Variants in PIK3AP1 observed in about 807,000 individuals in gnomAD.
PIK3AP1 encodes phosphoinositide 3-kinase adapter protein 1.
In PIK3AP1, 21 loss-of-function variants were observed where a neutral mutation model predicts 88.1. The observed-to-expected ratio is 0.24, with a 90% confidence interval of 0.17 to 0.34. The LOEUF is 0.34. Ranked by LOEUF, PIK3AP1 falls within the 10% of genes least tolerant of loss-of-function variation. PIK3AP1 has a pLI of 1.00. For synonymous variants in PIK3AP1, 398 were observed against 400.0 expected (o/e 1.00, Z 0.06); for missense variants, 828 against 1,035.7 (o/e 0.80, Z 2.75).
Position 96,648,774 on chromosome 10 carries a change from G to A in PIK3AP1, c.1070C>T (p.Thr357Ile), listed in dbSNP as rs754924629. 4 of 1,610,066 alleles carry A rather than the reference G, an allele frequency of 2.5e-6. No homozygotes were observed. Among genetic ancestry groups the A allele is most frequent in the Non-Finnish European group, 3.4e-6 (4 of 1,178,504 alleles). ...GTACGCCTGCAGGGCTCCTGGGCAG[G>A]TGAGCAACAAGGCAGTGAGGTTCTT... ...GLKNLTALLL[T>I]CPGALQAYSV... The change falls in exon 7 of 17, where the codon ACC becomes ATC. Residue 357 changes from threonine to isoleucine, a missense_variant. By Grantham distance (89) the Thr-to-Ile change is moderately conservative. This residue lies in a region of PIK3AP1 where 610 missense variants were observed against 760.1 expected (regional missense o/e 0.80). Coordinates refer to ENST00000339364, the MANE Select transcript of PIK3AP1 (RefSeq NM_152309.3).
chr10:96,620,726 C>T (rs558263609), intron 11 of PIK3AP1, among the ~76,000 whole-genome samples, 169 bp from the exon 12 acceptor site: 42 of 152,280 alleles, frequency 2.8e-4, no homozygotes, highest in Non-Finnish European at 5.1e-4. Flanking sequence ...GAGAAGAATG[C>T]AGCTAATAAT....
At chr10:96,709,432 C>G (rs975694050) in intron 2 of PIK3AP1, 135 bp downstream of exon 2, 1 of 1,085,678 alleles carries the variant, frequency 9.2e-7, no homozygotes, top group African/African-American at 1.6e-5. Context: ...CAGAAATAGG[C>G]TGCTCTAAAC....
At chr10:96,620,636 G>A in intron 11 of PIK3AP1, 79 bp from the exon 12 acceptor site, 1 of 1,265,520 alleles carries the variant, frequency 7.9e-7, no homozygotes, top group Non-Finnish European at 1.1e-6. Flanking sequence ...TAATGAGGCT[G>A]GTCACAGGCT....
chr10:96,602,769 G>A (rs1317127843), intron 15 of PIK3AP1, among the ~76,000 whole-genome samples: 1 of 152,178 alleles, frequency 6.6e-6, no homozygotes, highest in African/African-American at 2.4e-5. Context: ...GCTTGTCCCA[G>A]CCACTGGTCC....
chr10:96,595,522 G>A lies in PIK3AP1; in HGVS notation c.*55C>T, dbSNP rs940334166. On this transcript the variant is annotated 3_prime_UTR_variant, in exon 17 of 17. Coordinates refer to ENST00000339364, the MANE Select transcript of PIK3AP1 (RefSeq NM_152309.3). ...ACTCAACATGAAGACATCATTAACA[G>A]GCTGAAGACTGTGAGTCTTAAAGTC... 7 of 1,526,394 alleles carry A rather than the reference G, an allele frequency of 4.6e-6. No homozygotes were observed. In the African/African-American group the frequency reaches 8.2e-5, roughly 18 times the overall value. 94.6% of individuals were successfully genotyped at this position (1,526,394 alleles called of 1,614,324 possible). A position where few individuals can be genotyped will look rare whatever the true frequency, so the allele number is the denominator to read the frequency against.
chr10:96,640,004 G>T (rs1195853600), intron 8 of PIK3AP1, among the ~76,000 whole-genome samples: 1 of 152,198 alleles, frequency 6.6e-6, no homozygotes, highest in Non-Finnish European at 1.5e-5. Flanking sequence ...CTCAGGTAAA[G>T]AAAACACTGC....
chr10:96,629,905 C>A (rs1589500043), intron 8 of PIK3AP1, among the ~76,000 whole-genome samples: 1 of 576 alleles, frequency 1.7e-3, no homozygotes. Flanking sequence ...ATAACAACAA[C>A]AACCAAAAAA....
In PIK3AP1 at chr10:96,674,889, G is replaced by A. The variant is rs150432093; in HGVS notation, c.431-17955C>T. On this transcript the variant is annotated intron_variant, in intron 2 of 16. Transcript: ENST00000339364. ...TAAAATGAGATTAAACATACAAGGT[G>A]TTTTGTTTTGTTTTGTTTTTTGAGA... Among the ~76,000 whole-genome samples the A allele has an allele frequency of 7.5e-3, 1,135 of 152,278 alleles. 7 individuals are homozygous for A. The highest frequency in any genetic ancestry group is 0.02 in the African/African-American group (812 of 41,568).
intron 8 of PIK3AP1, among the ~76,000 whole-genome samples, chr10:96,628,881 T>TATACACACACAC (rs1554955361): frequency 2.3e-5 from 2 of 88,750 alleles, no homozygotes; most frequent in African/African-American, 4.5e-5. Context: ...TACACATATA[T>TATACACACACAC]ATATATACAT....
intron 1 of PIK3AP1, among the ~76,000 whole-genome samples, chr10:96,715,268 T>A (rs1844487345): frequency 6.6e-6 from 1 of 152,064 alleles, no homozygotes; most frequent in Admixed American, 6.5e-5. Context: ...CTCAAGACTG[T>A]CAAAGCCATC....
chr10:96,637,313 A>AACACACACAC (rs1564964526), intron 8 of PIK3AP1, among the ~76,000 whole-genome samples: 2 of 69,898 alleles, frequency 2.9e-5, no homozygotes, highest in African/African-American at 1.2e-4. Flanking sequence ...GAGATATACA[A>AACACACACAC]TCACACACAC....
rs1478402428 is a variant in PIK3AP1 at position 96,595,530 on chromosome 10, A to T, written c.*47T>A. 6.4e-7 allele frequency: 1 copy of T among 1,553,176 alleles called. No homozygotes were observed. The highest frequency in any genetic ancestry group is 8.9e-7 in the Non-Finnish European group (1 of 1,125,532). ...TGAAGACATCATTAACAGGCTGAAG[A>T]CTGTGAGTCTTAAAGTCCTGAAGTA... On this transcript the variant is annotated 3_prime_UTR_variant, in exon 17 of 17. Transcript: ENST00000339364.
intron 8 of PIK3AP1, among the ~76,000 whole-genome samples, chr10:96,636,348 A>AAGTCC (rs1300893031): frequency 2.6e-5 from 4 of 152,372 alleles, no homozygotes; most frequent in African/African-American, 9.6e-5. Flanking sequence ...ATTAGGCACT[A>AAGTCC]AGTCCTGGTA....
chr10:96,602,320 C>G lies in PIK3AP1; in HGVS notation c.2320G>C (p.Glu774Gln). 1 of 1,609,602 alleles carries G rather than the reference C, an allele frequency of 6.2e-7. No homozygotes were observed. Among genetic ancestry groups the G allele is most frequent in the Non-Finnish European group, 8.5e-7 (1 of 1,178,310 alleles). Residue 774 changes from glutamate to glutamine, a missense_variant, in exon 16 of 17, where the codon GAG (glutamate) becomes CAG (glutamine). Around this residue, in one of 3 missense-constraint regions of PIK3AP1, gnomAD observed 191 missense variants for 208.6 expected, o/e 0.92. Transcript: ENST00000339364. ...CTCGGAGGCACCCTGGGGGGTCTCT[C>G]GAGGGACATGGTGGGTGTCCCATCC... Reference protein sequence around the residue: ...QVDGTPTMSLERPPRVPPRAA... With the variant: ...QVDGTPTMSLQRPPRVPPRAA...
intron 8 of PIK3AP1, among the ~76,000 whole-genome samples, chr10:96,641,506 G>A (rs201135537): frequency 3.9e-5 from 6 of 152,096 alleles, no homozygotes; most frequent in Non-Finnish European, 8.8e-5. Flanking sequence ...CAGCCTCCAG[G>A]GTTACCACAG....
chr10:96,643,281 T>C (rs966618286), intron 8 of PIK3AP1, among the ~76,000 whole-genome samples: 3 of 152,194 alleles, frequency 2.0e-5, no homozygotes, highest in Admixed American at 1.3e-4. Context: ...TGGATAACAA[T>C]TTCTGCAGAA....
chr10:96,718,224 G>A (rs1479147366), intron 1 of PIK3AP1, among the ~76,000 whole-genome samples: 3 of 152,214 alleles, frequency 2.0e-5, no homozygotes, highest in African/African-American at 7.2e-5. Flanking sequence ...ATTGACTGTG[G>A]TGATGGCTAC....
intron 2 of PIK3AP1, among the ~76,000 whole-genome samples, chr10:96,670,116 G>A (rs1031037116): frequency 3.9e-4 from 54 of 139,414 alleles, no homozygotes; most frequent in African/African-American, 1.5e-3. Flanking sequence ...TGGAGGTTGC[G>A]CCACTGACTC....
chr10:96,620,787 C>T (rs7914154), intron 11 of PIK3AP1: 324,600 of 485,660 alleles, frequency 0.67, 109,690 homozygotes, highest in East Asian at 0.83. Context: ...TTAAGGGAGG[C>T]GTGAAATCTG....
Sources: gnomAD v4.1 joint callset for allele counts (sites outside exome capture counted in the v4.1 genomes callset) on GRCh38, gnomAD v4.1.1 for gene constraint, gnomAD v4.1.1 regional missense constraint, MANE v1.5 for transcripts, NCBI Gene and HGNC (gene_info 2026-07-23, HGNC 2026-07-21) for gene names.